The following SEMA3D variants were observed in gnomAD, a reference collection of about 807,000 sequenced individuals.
SEMA3D encodes the protein semaphorin-3D.
A neutral mutation model predicts 100.1 loss-of-function variants in SEMA3D; 84 were observed. The observed-to-expected ratio is 0.84, with a 90% CI of 0.70 to 1.01. The LOEUF is 1.01. SEMA3D is among the 50% of genes least tolerant of loss of function. SEMA3D has a pLI of 0.00. For synonymous variants in SEMA3D, 312 were observed against 320.7 expected (o/e 0.97, Z 0.29); for missense variants, 875 against 934.1 (o/e 0.94, Z 0.82).
intron 1 of SEMA3D, among the ~76,000 whole-genome samples, chr7:85,160,349 T>A (rs1030703655): frequency 5.3e-5 from 8 of 150,088 alleles, no homozygotes; most frequent in Non-Finnish European, 1.0e-4. Context: ...GAAAAAAAAA[T>A]AAGGAAGTCA....
intron 17 of SEMA3D, among the ~76,000 whole-genome samples, chr7:85,009,679 C>T (rs1789898381): frequency 6.6e-6 from 1 of 151,706 alleles, no homozygotes; most frequent in Admixed American, 6.6e-5. Context: ...GACCCTTTCA[C>T]AAACTTTACC....
intron 12 of SEMA3D, among the ~76,000 whole-genome samples, chr7:85,035,182 T>C (rs1485913830): frequency 6.6e-6 from 1 of 151,442 alleles, no homozygotes; most frequent in African/African-American, 2.4e-5. Context: ...ATATCCTATA[T>C]ACATATATAT....
chr7:85,072,025 T>A (rs1040710463), intron 6 of SEMA3D, among the ~76,000 whole-genome samples: 9 of 152,218 alleles, frequency 5.9e-5, no homozygotes, highest in Non-Finnish European at 1.2e-4. Flanking sequence ...ATGTAATTTA[T>A]TCCATTGAGA....
At chr7:85,171,848 T>C (rs1488552622) in intron 1 of SEMA3D, among the ~76,000 whole-genome samples, 1 of 151,912 alleles carries the variant, frequency 6.6e-6, no homozygotes, top group Non-Finnish European at 1.5e-5. Context: ...TTGACTTGAC[T>C]CAGTTTTAGT....
intron 12 of SEMA3D, among the ~76,000 whole-genome samples, chr7:85,036,646 G>A (rs17159577): frequency 0.036 from 5,418 of 151,834 alleles, 387 homozygotes; most frequent in East Asian, 0.23. Flanking sequence ...AAACATGTTG[G>A]GGATAAGCTC....
chr7:85,016,386 A>G (rs1790103555), intron 15 of SEMA3D, among the ~76,000 whole-genome samples: 1 of 150,032 alleles, frequency 6.7e-6, no homozygotes, highest in Admixed American at 6.7e-5. Context: ...CCCTAAATCT[A>G]CTCCTCCTGC....
intron 9 of SEMA3D, among the ~76,000 whole-genome samples, chr7:85,054,964 C>A (rs1791266652): frequency 6.6e-6 from 1 of 151,978 alleles, no homozygotes; most frequent in Non-Finnish European, 1.5e-5. Context: ...AAAATGGAAG[C>A]CTCTCATAGA....
chr7:85,132,751 T>C (rs746097139), intron 2 of SEMA3D, among the ~76,000 whole-genome samples: 3 of 151,992 alleles, frequency 2.0e-5, no homozygotes, highest in Non-Finnish European at 2.9e-5. Flanking sequence ...ACTATCTTTA[T>C]ATATGCCTTC....
At chr7:85,087,377 C>G (rs1788251940) in intron 4 of SEMA3D, among the ~76,000 whole-genome samples, 1 of 152,170 alleles carries the variant, frequency 6.6e-6, no homozygotes, top group African/African-American at 2.4e-5. Flanking sequence ...GACCTTAGAG[C>G]CTTGATATCA....
chr7:85,038,670 T>C (rs1373445596), intron 11 of SEMA3D, among the ~76,000 whole-genome samples: 4 of 152,170 alleles, frequency 2.6e-5, no homozygotes, highest in Non-Finnish European at 1.5e-5. Context: ...GCACAGTGAC[T>C]TCAAAGAAAG....
At chr7:85,011,269 A>G (rs940724695) in intron 17 of SEMA3D, among the ~76,000 whole-genome samples, 3 of 151,816 alleles carry the variant, frequency 2.0e-5, no homozygotes, top group African/African-American at 7.2e-5. Flanking sequence ...GAGCTTAAGT[A>G]AAAATGAGAA....
chr7:85,012,810 T>A lies in SEMA3D; in HGVS notation c.1740A>T (p.Pro580=). The A allele has an allele frequency of 6.2e-7, 1 of 1,610,700 alleles. No individual in the cohort carries two copies. The change falls in exon 17 of 19, where the codon CCA becomes CCT. Residue 580 remains proline (P), a synonymous_variant. Coordinates refer to ENST00000284136, the MANE Select transcript of SEMA3D (RefSeq NM_001384900.1). The part of the protein sequence containing the change: ...ARRQDVKYGD[P]ITQCWDIEDS... ...CTTCGATGTCCCAGCACTGGGTGATTGGGTCGCCATATTTTACATCTTGGC... is the reference window on the plus strand; with the variant it reads ...CTTCGATGTCCCAGCACTGGGTGATAGGGTCGCCATATTTTACATCTTGGC...
At chr7:85,016,418 C>T (rs1368220573) in intron 15 of SEMA3D, among the ~76,000 whole-genome samples, 2 of 151,696 alleles carry the variant, frequency 1.3e-5, no homozygotes, top group African/African-American at 4.8e-5. Flanking sequence ...GAGTAGCACT[C>T]TCATCCACCA....
chr7:85,186,903 C>A lies in SEMA3D; in HGVS notation c.-398G>T, dbSNP rs62462214. On this transcript the variant is annotated 5_prime_UTR_variant, in exon 1 of 19. Coordinates refer to ENST00000284136, the MANE Select transcript of SEMA3D (RefSeq NM_001384900.1). ...GAGGCAGGGGGCGCTGCTGCCTCCC[C>A]CGAGAGCCGCGCTAGGACAGGCGGA... is the stretch of plus-strand genomic sequence containing the variant. The A allele has an allele frequency of 0.12, 18,544 of 152,226 alleles. 1,412 individuals carry two copies. The highest frequency in any genetic ancestry group is 0.2 in the Middle Eastern group (59 of 292). The allele number at this position is 152,226 out of a possible 1,614,324, so 9.4% of individuals were successfully genotyped here.
intron 1 of SEMA3D, among the ~76,000 whole-genome samples, chr7:85,160,608 C>T (rs1002040340): frequency 3.3e-5 from 5 of 152,064 alleles, no homozygotes; most frequent in African/African-American, 1.2e-4. Flanking sequence ...CATAGCAGCA[C>T]AGGAGGTAAT....
chr7:85,208,569 T>A, the SEMA3D span, among the ~76,000 whole-genome samples: 1 of 152,212 alleles, frequency 6.6e-6, no homozygotes, highest in Admixed American at 6.6e-5. Flanking sequence ...ACCTGCTTAT[T>A]TGGTATTTGT....
the SEMA3D span, among the ~76,000 whole-genome samples, chr7:85,192,844 CAA>C: frequency 2.0e-5 from 3 of 152,038 alleles, no homozygotes; most frequent in Non-Finnish European, 4.4e-5. Flanking sequence ...TTATATCAAG[CAA>C]AGTTTTACTT....
chr7:85,134,654 C>A (rs995755939), intron 2 of SEMA3D, among the ~76,000 whole-genome samples: 8 of 151,942 alleles, frequency 5.3e-5, no homozygotes, highest in Non-Finnish European at 1.2e-4. Context: ...ACCACGGTAT[C>A]CCCAAAGCTT....
At chr7:85,001,866 A>G (rs567841071) in intron 18 of SEMA3D, among the ~76,000 whole-genome samples, 221 of 152,264 alleles carry the variant, frequency 1.5e-3, no homozygotes, top group African/African-American at 5.0e-3. Context: ...TTAGCATGAC[A>G]ATCAAAGTGG....
Sources: gnomAD v4.1 joint callset for allele counts (sites outside exome capture counted in the v4.1 genomes callset) on GRCh38, gnomAD v4.1.1 for gene constraint, MANE v1.5 for transcripts, NCBI Gene and HGNC (gene_info 2026-07-23, HGNC 2026-07-21) for gene names.